Variants in CARF observed in about 807,000 individuals in gnomAD.
The protein encoded by CARF is calcium-responsive transcription factor.
Under a neutral mutation model 82.0 loss-of-function variants are expected in CARF, and 57 were observed. The ratio of observed to expected loss-of-function variants is 0.70; its 90% CI spans 0.56 to 0.87. CARF has a LOEUF of 0.87. Among genes scored for constraint, CARF ranks in the 40% least tolerant of loss-of-function variants. The pLI is 0.00. For synonymous variants in CARF, 268 were observed against 290.1 expected (o/e 0.92, Z 0.77); for missense variants, 771 against 855.8 (o/e 0.90, Z 1.24).
chr2:202,927,821 C>T (rs1423278722), intron 3 of CARF, among the ~76,000 whole-genome samples: 1 of 144,564 alleles, frequency 6.9e-6, no homozygotes, highest in Non-Finnish European at 1.5e-5. Flanking sequence ...TTTTTTGAGA[C>T]AGGGTCTCAC....
In CARF at chr2:202,981,684, A is replaced by AG; in HGVS notation, c.1689+1dup. The stretch of plus-strand genomic sequence containing the variant: ...CAGCCCAAAATATTTACACAACTAC[A>AG]GGTAGGTATCCAGTAAAATATCCAA... On this transcript the variant is annotated frameshift_variant and splice_region_variant, in exon 15 of 17. Coordinates refer to ENST00000438828, the MANE Select transcript of CARF (RefSeq NM_024744.17). LOFTEE classifies it high-confidence loss of function. The AG allele has an allele frequency of 6.2e-7, 1 of 1,609,334 alleles. No individual in the cohort carries two copies. The highest frequency in any genetic ancestry group is 8.5e-7 in the Non-Finnish European group (1 of 1,177,852).
intron 1 of CARF, among the ~76,000 whole-genome samples, chr2:202,914,363 T>C (rs1689199346): frequency 6.6e-6 from 1 of 152,222 alleles, no homozygotes. Flanking sequence ...GTTTTTCTTT[T>C]TTTCCAATTT....
intron 5 of CARF, among the ~76,000 whole-genome samples, chr2:202,945,365 G>A (rs559139596): frequency 1.3e-5 from 2 of 152,128 alleles, no homozygotes; most frequent in South Asian, 4.2e-4. Context: ...ACATGCGAAG[G>A]TTTGTTATGT....
chr2:202,917,970 G>A lies in CARF; in HGVS notation c.-236G>A. The A allele has an allele frequency of 2.3e-6, 1 of 433,244 alleles. No homozygotes were observed. The highest frequency in any genetic ancestry group is 4.6e-6 in the Non-Finnish European group (1 of 219,040). The allele number at this position is 433,244 out of a possible 1,614,324, so 26.8% of individuals were successfully genotyped here. On this transcript the variant is annotated 5_prime_UTR_variant, in exon 2 of 17. Transcript: ENST00000438828. ...TGCCCCCAAAAGGAAGAACTTCAGT[G>A]GACAAGAAAGGACATTTCTGGGGGT...
intron 8 of CARF, among the ~76,000 whole-genome samples, chr2:202,957,065 AG>A (rs2059086352): frequency 6.6e-6 from 1 of 152,182 alleles, no homozygotes; most frequent in South Asian, 2.1e-4. Flanking sequence ...CTGGGATTAC[AG>A]GCATGAGCCA....
chr2:202,957,661 T>C (rs2059114640), intron 8 of CARF, among the ~76,000 whole-genome samples: 1 of 152,180 alleles, frequency 6.6e-6, no homozygotes, highest in Non-Finnish European at 1.5e-5. Context: ...TTCTTAATTA[T>C]TTACTAGCTT....
intron 1 of CARF, among the ~76,000 whole-genome samples, chr2:202,913,708 T>C (rs1689085134): frequency 6.6e-6 from 1 of 152,248 alleles, no homozygotes; most frequent in Non-Finnish European, 1.5e-5. Flanking sequence ...AATCTTGCCG[T>C]TGAATCTGTA....
intron 4 of CARF, among the ~76,000 whole-genome samples, chr2:202,942,365 C>A (rs1249250584): frequency 6.7e-6 from 1 of 149,362 alleles, no homozygotes; most frequent in Non-Finnish European, 1.5e-5. Context: ...CAGAGAGAGA[C>A]TCCGTCTCAA....
rs199551729 is a variant in CARF, at chr2:202,916,833, A to C, written c.-329-1044A>C. Reference sequence around the variant, plus strand: ...CCCAAGTATGGTCCTTGAAGGAGACATGACAACAACCTGAATCGTCTCTAC... The same window carrying C: ...CCCAAGTATGGTCCTTGAAGGAGACCTGACAACAACCTGAATCGTCTCTAC... On this transcript the variant is annotated intron_variant, in intron 1 of 16. Transcript: ENST00000438828. Among the ~76,000 whole-genome samples the C allele has an allele frequency of 2.7e-3, 405 of 152,328 alleles. 11 individuals carry two copies. The highest frequency in any genetic ancestry group is 0.019 in the Admixed American group (297 of 15,294).
intron 5 of CARF, among the ~76,000 whole-genome samples, chr2:202,943,543 T>A (rs1559217815): frequency 6.7e-6 from 1 of 148,700 alleles, no homozygotes; most frequent in Non-Finnish European, 1.5e-5. Flanking sequence ...TGTAACTAGT[T>A]CTGAAGTGCC....
chr2:202,961,261 T>G lies in CARF; in HGVS notation c.667T>G (p.Tyr223Asp). 6.2e-7 allele frequency: 1 copy of G among 1,610,760 alleles called. No homozygotes were observed. Among genetic ancestry groups the G allele is most frequent in the East Asian group, 2.2e-5 (1 of 44,804 alleles). ...CEKIGDSYRG[Y>D]CVSETELESV... ...GAAAATTGGAGATTCATACCGTGGCTACTGTGTAAGTGAGACTGAATTAGA... is the reference window on the plus strand; with the variant it reads ...GAAAATTGGAGATTCATACCGTGGCGACTGTGTAAGTGAGACTGAATTAGA... The change falls in exon 9 of 17, where the codon TAC becomes GAC. Residue 223 changes from tyrosine (Y) to aspartate (D), a missense_variant. By Grantham distance (160) the Tyr-to-Asp change is radical (BLOSUM62 -3). Coordinates refer to ENST00000438828, the MANE Select transcript of CARF (RefSeq NM_024744.17).
At chr2:202,955,847 T>C (rs768263852) in intron 8 of CARF, 89 bp downstream of exon 8, 3 of 766,462 alleles carry the variant, frequency 3.9e-6, no homozygotes, top group Non-Finnish European at 6.4e-6. Context: ...ACAACTAATA[T>C]AGTCTATAGT....
At chr2:202,938,743 ACTTTT>A (rs796308696) in intron 3 of CARF, among the ~76,000 whole-genome samples, 9 of 147,012 alleles carry the variant, frequency 6.1e-5, no homozygotes, top group African/African-American at 2.3e-4. Flanking sequence ...ATTGATAGTT[ACTTTT>A]CTTTTTTTTC....
chr2:202,925,328 A>G, intron 3 of CARF: 1 of 333,914 alleles, frequency 3.0e-6, no homozygotes, highest in Non-Finnish European at 5.9e-6. Context: ...TATGAAGAGG[A>G]GATCTGTGAG....
At chr2:202,930,149 G>A (rs1047828226) in intron 3 of CARF, among the ~76,000 whole-genome samples, 3 of 152,136 alleles carry the variant, frequency 2.0e-5, no homozygotes. Context: ...CTGGGCTCAA[G>A]CGATTCTCAT....
chr2:202,970,929 G>A, intron 11 of CARF, among the ~76,000 whole-genome samples: 1 of 151,164 alleles, frequency 6.6e-6, no homozygotes, highest in East Asian at 1.9e-4. Flanking sequence ...TGCTCACTTG[G>A]CCAGCAGGAG....
chr2:202,959,368 G>A (rs759364647), intron 8 of CARF, among the ~76,000 whole-genome samples: 1 of 152,096 alleles, frequency 6.6e-6, no homozygotes, highest in Non-Finnish European at 1.5e-5. Context: ...ACAGTATTTT[G>A]ATACCTTTCT....
At chr2:202,976,780 G>A (rs1162217713) in intron 13 of CARF, among the ~76,000 whole-genome samples, 7 of 143,586 alleles carry the variant, frequency 4.9e-5, no homozygotes, top group Admixed American at 1.5e-4. Flanking sequence ...ACACAATCAC[G>A]GCTCACTGCA....
intron 3 of CARF, among the ~76,000 whole-genome samples, chr2:202,935,442 G>T (rs987973187): frequency 6.6e-6 from 1 of 150,434 alleles, no homozygotes; most frequent in Non-Finnish European, 1.5e-5. Flanking sequence ...TCTGACTTTG[G>T]TATTTATTTA....
Sources: allele counts gnomAD v4.1 joint callset (sites outside exome capture counted in the v4.1 genomes callset), GRCh38; gene constraint gnomAD v4.1.1; transcripts MANE v1.5; gene names NCBI Gene and HGNC (gene_info 2026-07-23, HGNC 2026-07-21).